The following SHISA9 variants were observed in gnomAD, a reference collection of about 807,000 sequenced individuals.
SHISA9 encodes protein shisa-9.
SHISA9 carries 13 observed loss-of-function variants against 38.0 expected under a neutral mutation model. The observed-to-expected ratio is 0.34, with a 90% CI of 0.22 to 0.54. The LOEUF is 0.54. Ranked by LOEUF, SHISA9 falls within the 20% of genes least tolerant of loss-of-function variation. The pLI, the probability that SHISA9 is intolerant of heterozygous loss-of-function variation, is 0.91. For missense variants in SHISA9, 538 were observed against 575.8 expected (o/e 0.93, Z 0.67); for synonymous variants, 275 against 242.0 (o/e 1.14, Z -1.27).
At chr16:13,330,072 C>T in the SHISA9 span, among the ~76,000 whole-genome samples, 148 of 152,324 alleles carry the variant, frequency 9.7e-4, no homozygotes, top group Admixed American at 2.2e-3. Context: ...CATCTCAGGG[C>T]TAACACATTG....
chr16:13,053,398 C>G (rs888384057), intron 2 of SHISA9, among the ~76,000 whole-genome samples: 2 of 152,186 alleles, frequency 1.3e-5, no homozygotes, highest in Admixed American at 1.3e-4. Context: ...TCATCATTCA[C>G]CTAAGCTATA....
At chr16:13,514,253 G>A in the SHISA9 span, among the ~76,000 whole-genome samples, 6 of 151,846 alleles carry the variant, frequency 4.0e-5, no homozygotes, top group East Asian at 1.9e-4. Context: ...TAGACCTCCC[G>A]AAGTGCTGGG....
chr16:13,558,376 A>G, the SHISA9 span, among the ~76,000 whole-genome samples: 1 of 152,296 alleles, frequency 6.6e-6, no homozygotes, highest in South Asian at 2.1e-4. Context: ...GACATTGTAC[A>G]TAGTCACTTC....
chr16:13,108,884 T>C (rs2073951388), intron 2 of SHISA9, among the ~76,000 whole-genome samples: 1 of 152,190 alleles, frequency 6.6e-6, no homozygotes, highest in African/African-American at 2.4e-5. Flanking sequence ...ATGTTTCTCC[T>C]AAAGTGTAGT....
chr16:13,153,379 G>T (rs1224157290), intron 2 of SHISA9, among the ~76,000 whole-genome samples: 2 of 152,172 alleles, frequency 1.3e-5, no homozygotes, highest in Non-Finnish European at 2.9e-5. Context: ...TCCACTCAGG[G>T]ATGGAGAATT....
At chr16:13,117,601 A>G (rs2074042872) in intron 2 of SHISA9, among the ~76,000 whole-genome samples, 1 of 152,130 alleles carries the variant, frequency 6.6e-6, no homozygotes, top group African/African-American at 2.4e-5. Context: ...AGAGAAGAAA[A>G]CTGGACGAAA....
chr16:13,313,738 AAAAG>A, the SHISA9 span, among the ~76,000 whole-genome samples: 1 of 152,264 alleles, frequency 6.6e-6, no homozygotes, highest in Non-Finnish European at 1.5e-5. Context: ...ATAAAAATGA[AAAAG>A]AAAATAAGCA....
chr16:13,355,231 A>C, the SHISA9 span, among the ~76,000 whole-genome samples: 2 of 150,538 alleles, frequency 1.3e-5, no homozygotes, highest in Non-Finnish European at 3.0e-5. Flanking sequence ...AGGAGAGTTT[A>C]TAGGCTTTAA....
At chr16:13,465,360 A>T in the SHISA9 span, among the ~76,000 whole-genome samples, 1 of 152,228 alleles carries the variant, frequency 6.6e-6, no homozygotes, top group African/African-American at 2.4e-5. Context: ...AACGTGGGGC[A>T]GGTTCATTTT....
chr16:13,314,200 T>G, the SHISA9 span, among the ~76,000 whole-genome samples: 1 of 116,676 alleles, frequency 8.6e-6, no homozygotes, highest in African/African-American at 3.0e-5. Flanking sequence ...TCATTTTTAT[T>G]TCATTTTTTT....
At chr16:13,552,492 G>A in the SHISA9 span, among the ~76,000 whole-genome samples, 2 of 151,472 alleles carry the variant, frequency 1.3e-5, no homozygotes, top group African/African-American at 2.4e-5. Flanking sequence ...ATGGTATCGG[G>A]CTTTGTGGCA....
At chr16:13,177,998 A>T (rs184805418) in intron 2 of SHISA9, among the ~76,000 whole-genome samples, 1 of 152,200 alleles carries the variant, frequency 6.6e-6, no homozygotes. Flanking sequence ...AGGTTGTTCC[A>T]GTCCCTGGAA....
chr16:12,957,798 A>G (rs1031559391), intron 2 of SHISA9, among the ~76,000 whole-genome samples: 5 of 152,184 alleles, frequency 3.3e-5, no homozygotes, highest in African/African-American at 1.2e-4. Flanking sequence ...CTGGGTTTGA[A>G]TTTCCTAGTG....
Position 13,136,826 on chromosome 16 carries a change from T to A in SHISA9, c.692-66568T>A, listed in dbSNP as rs374248627. Among the ~76,000 whole-genome samples, 18 of 152,258 alleles carry A rather than the reference T, an allele frequency of 1.2e-4. No homozygotes were observed. In the South Asian group the frequency reaches 3.5e-3, roughly 30 times the overall value. ...GCCTTTTGTTCCCTCCTATGCCCAG[T>A]AAAATTTTTTTTTGACTAATGTCTC... On this transcript the variant is annotated intron_variant, in intron 2 of 4. Coordinates refer to ENST00000558583, the MANE Select transcript of SHISA9 (RefSeq NM_001145204.3).
chr16:13,488,320 A>G, the SHISA9 span, among the ~76,000 whole-genome samples: 7 of 151,812 alleles, frequency 4.6e-5, no homozygotes, highest in African/African-American at 1.7e-4. Context: ...ACAGTGTTTT[A>G]GTTATTAATT....
the SHISA9 span, among the ~76,000 whole-genome samples, chr16:13,466,948 G>C: frequency 6.6e-6 from 1 of 152,192 alleles, no homozygotes; most frequent in African/African-American, 2.4e-5. Flanking sequence ...TGGGATTAGT[G>C]CAGTTTTGGT....
chr16:13,385,531 G>A, the SHISA9 span, among the ~76,000 whole-genome samples: 1 of 118,500 alleles, frequency 8.4e-6, no homozygotes, highest in Non-Finnish European at 1.7e-5. Context: ...AACAAACTGT[G>A]GTATATCCAT....
At chr16:13,551,223 C>G in the SHISA9 span, among the ~76,000 whole-genome samples, 28 of 152,266 alleles carry the variant, frequency 1.8e-4, no homozygotes, top group African/African-American at 4.8e-4. Flanking sequence ...CACATACACT[C>G]CTACAAACAC....
chr16:13,143,307 G>A (rs1402082448), intron 2 of SHISA9, among the ~76,000 whole-genome samples: 1 of 152,088 alleles, frequency 6.6e-6, no homozygotes, highest in East Asian at 1.9e-4. Context: ...ACCATGCCCA[G>A]CCTCTCCTTT....
Sources: allele counts gnomAD v4.1 joint callset (sites outside exome capture counted in the v4.1 genomes callset), GRCh38; gene constraint gnomAD v4.1.1; transcripts MANE v1.5; gene names NCBI Gene and HGNC (gene_info 2026-07-23, HGNC 2026-07-21).